The following INSC variants were observed in gnomAD, a reference collection of about 807,000 sequenced individuals.
The protein encoded by INSC is protein inscuteable homolog.
A neutral mutation model predicts 58.6 loss-of-function variants in INSC; 67 were observed. The ratio of observed to expected loss-of-function variants is 1.14; its 90% CI spans 0.94 to 1.40. The LOEUF (loss-of-function observed/expected upper bound fraction) is 1.40. Ranked by LOEUF, INSC falls within the 40% of genes most tolerant of loss-of-function variation. The probability of loss-of-function intolerance (pLI) is 0.00; values close to 1 mark genes in which losing one functional copy is unlikely to be tolerated. For synonymous variants in INSC, 262 were observed against 276.1 expected (o/e 0.95, Z 0.51); for missense variants, 714 against 692.0 (o/e 1.03, Z -0.36).
intron 2 of INSC, among the ~76,000 whole-genome samples, chr11:15,156,908 C>T (rs929513128): frequency 2.0e-5 from 3 of 152,332 alleles, no homozygotes; most frequent in Admixed American, 6.5e-5. Context: ...CCTTCTCCCA[C>T]CCCAATTCCA....
At chr11:15,128,893 CTTAG>C (rs1434702174) in intron 1 of INSC, among the ~76,000 whole-genome samples, 1 of 152,198 alleles carries the variant, frequency 6.6e-6, no homozygotes, top group African/African-American at 2.4e-5. Context: ...GCCAGTGCCT[CTTAG>C]TTAACCTTCC....
Position 15,246,754 on chromosome 11 carries a change from AACCTCCTGTTC to A in INSC, c.*723_*733del, listed in dbSNP as rs1359898114. On this transcript the variant is annotated 3_prime_UTR_variant, in exon 13 of 13. Transcript: ENST00000379556. The stretch of plus-strand genomic sequence containing the variant: ...TCCTTTGGCTTCTTTGCTTTTGTGT[AACCTCCTGTTC>A]ACCTCCTGGTGAATAGAATCCTCAG... The A allele has an allele frequency of 6.6e-6, 1 of 152,220 alleles. No homozygotes were observed. Among genetic ancestry groups the A allele is most frequent in the East Asian group, 1.9e-4 (1 of 5,200 alleles). The allele number at this position is 152,220 out of a possible 1,614,324, so 9.4% of individuals were successfully genotyped here.
At chr11:15,225,362 G>T (rs1221503597) in intron 8 of INSC, among the ~76,000 whole-genome samples, 1 of 152,124 alleles carries the variant, frequency 6.6e-6, no homozygotes, top group Non-Finnish European at 1.5e-5. Context: ...GACCTGTTTT[G>T]TTCACTATGC....
chr11:15,125,510 A>G lies in INSC; in HGVS notation c.-46+10507A>G, dbSNP rs1847972683. ...ATTATAGTGATTTAGGTGAGAGATG[A>G]TGGTGGCTAGGACCAAGGTCCACTT... On this transcript the variant is annotated intron_variant, in intron 1 of 12. Transcript: ENST00000379556. 3.3e-5 allele frequency among the ~76,000 whole-genome samples: 5 copies of G among 152,206 alleles called. No individual in the cohort carries two copies. In the South Asian group the frequency reaches 1.0e-3, roughly 31 times the overall value.
intron 6 of INSC, among the ~76,000 whole-genome samples, chr11:15,192,208 T>A (rs1850204060): frequency 1.3e-5 from 2 of 152,350 alleles, no homozygotes; most frequent in East Asian, 3.9e-4. Flanking sequence ...CTCTGTTGAT[T>A]GGGTCCTACA....
chr11:15,197,145 A>G (rs1850401704), intron 6 of INSC, among the ~76,000 whole-genome samples: 1 of 152,234 alleles, frequency 6.6e-6, no homozygotes, highest in South Asian at 2.1e-4. Flanking sequence ...AAGAATATAA[A>G]TAATTTATTC....
chr11:15,164,120 T>G (rs1849113003), intron 2 of INSC, among the ~76,000 whole-genome samples: 1 of 144,634 alleles, frequency 6.9e-6, no homozygotes, highest in African/African-American at 2.5e-5. Flanking sequence ...TTTGTTATAG[T>G]CTTATCTGTT....
At chr11:15,267,429 C>T in the INSC span, among the ~76,000 whole-genome samples, 1 of 151,954 alleles carries the variant, frequency 6.6e-6, no homozygotes, top group Non-Finnish European at 1.5e-5. Context: ...CATTTCCCCC[C>T]AGTTTTTGTT....
In INSC at chr11:15,114,999, G is replaced by T. The variant is rs1455342227; in HGVS notation, c.-50G>T. On this transcript the variant is annotated 5_prime_UTR_variant, in exon 1 of 13. Transcript: ENST00000379556. ...CTCGCACTACCAGCCTGTCTCGCAC[G>T]CTAAGTAAGTAGACAGCTCCCCTAG... 28 of 985,358 alleles carry T rather than the reference G, an allele frequency of 2.8e-5. No homozygotes were observed. Among genetic ancestry groups the T allele is most frequent in the Non-Finnish European group, 3.3e-5 (27 of 829,950 alleles). The allele number at this position is 985,358 out of a possible 1,614,324, so 61.0% of individuals were successfully genotyped here. A position where few individuals can be genotyped will look rare whatever the true frequency, so the allele number is the denominator to read the frequency against.
chr11:15,175,591 A>C (rs1849542492), intron 2 of INSC, 150 bp from the exon 3 acceptor site: 1 of 527,212 alleles, frequency 1.9e-6, no homozygotes, highest in East Asian at 3.2e-5. Flanking sequence ...GAAGAGAATG[A>C]GAAATGACTG....
chr11:15,234,656 AT>A (rs1363000090), intron 9 of INSC, among the ~76,000 whole-genome samples: 3 of 152,152 alleles, frequency 2.0e-5, no homozygotes, highest in African/African-American at 7.2e-5. Context: ...TTTATTATTC[AT>A]TTTAATTACC....
At chr11:15,234,051 C>A (rs1666058016) in intron 9 of INSC, among the ~76,000 whole-genome samples, 1 of 152,208 alleles carries the variant, frequency 6.6e-6, no homozygotes, top group South Asian at 2.1e-4. Flanking sequence ...CGTAAAAGAG[C>A]CTCTAAGTCC....
intron 2 of INSC, 65 bp from the exon 3 acceptor site, chr11:15,175,676 A>C: frequency 7.7e-7 from 1 of 1,295,490 alleles, no homozygotes; most frequent in East Asian, 2.4e-5. Context: ...CAGATGGCCT[A>C]GAATTGAGAC....
At chr11:15,113,261 A>G (rs1324075965), upstream of INSC, among the ~76,000 whole-genome samples, 1 of 151,912 alleles carries the variant, frequency 6.6e-6, no homozygotes, top group African/African-American at 2.4e-5. Flanking sequence ...CATTGGTTCA[A>G]GCTATTCTCT....
chr11:15,169,391 G>T (rs1849312993), intron 2 of INSC, among the ~76,000 whole-genome samples: 1 of 152,216 alleles, frequency 6.6e-6, no homozygotes, highest in Admixed American at 6.5e-5. Flanking sequence ...AGTTCTTTGA[G>T]GAAGGCTCTG....
chr11:15,174,459 A>C (rs532812197), intron 2 of INSC, among the ~76,000 whole-genome samples: 80 of 152,300 alleles, frequency 5.3e-4, no homozygotes, highest in African/African-American at 1.9e-3. Flanking sequence ...TGAATGTAAC[A>C]TTGGCTAGAG....
intron 1 of INSC, among the ~76,000 whole-genome samples, chr11:15,119,865 C>T (rs1406978365): frequency 1.3e-5 from 2 of 152,200 alleles, no homozygotes; most frequent in Non-Finnish European, 1.5e-5. Flanking sequence ...AAATGGGGTT[C>T]CTCATAAGGC....
At chr11:15,183,305 C>T (rs1306735915) in intron 5 of INSC, among the ~76,000 whole-genome samples, 1 of 144,690 alleles carries the variant, frequency 6.9e-6, no homozygotes, top group South Asian at 2.2e-4. Context: ...GAGCCGAGAT[C>T]TTGCCATTGC....
chr11:15,178,369 C>T lies in INSC; in HGVS notation c.501C>T (p.Ala167=). The T allele has an allele frequency of 6.2e-7, 1 of 1,613,888 alleles. No individual in the cohort carries two copies. Among genetic ancestry groups the T allele is most frequent in the South Asian group, 1.1e-5 (1 of 91,078 alleles). Residue 167 remains alanine (A), a synonymous_variant, in exon 5 of 13, where the codon GCC becomes GCT. Coordinates refer to ENST00000379556, the MANE Select transcript of INSC (RefSeq NM_001042536.3). ...ENEHVLKSMK[A]CVSETLSMLG... Reference sequence around the variant, plus strand: ...AGCATGTCCTGAAGTCAATGAAGGCCTGCGTGAGTGAGACCCTGAGCATGC... The same window carrying T: ...AGCATGTCCTGAAGTCAATGAAGGCTTGCGTGAGTGAGACCCTGAGCATGC...
Sources: allele counts gnomAD v4.1 joint callset (sites outside exome capture counted in the v4.1 genomes callset), GRCh38; gene constraint gnomAD v4.1.1; transcripts MANE v1.5; gene names NCBI Gene and HGNC (gene_info 2026-07-23, HGNC 2026-07-21).